Variants in AFAP1 observed in about 807,000 individuals in gnomAD.
The protein encoded by AFAP1 is actin filament-associated protein 1.
AFAP1 carries 75 observed loss-of-function variants against 93.9 expected under a neutral mutation model. The observed-to-expected ratio is 0.80, with a 90% CI of 0.66 to 0.97. The LOEUF (loss-of-function observed/expected upper bound fraction) is 0.97, where lower values mean the gene tolerates loss of function less well. AFAP1 is among the 50% of genes least tolerant of loss of function. The pLI, the probability that AFAP1 is intolerant of heterozygous loss-of-function variation, is 0.00. For missense variants in AFAP1, 1,201 were observed against 1,050.8 expected (o/e 1.14, Z -1.98); for synonymous variants, 517 against 430.7 (o/e 1.20, Z -2.48).
At chr4:7,917,304 G>T (rs576403187) in intron 1 of AFAP1, among the ~76,000 whole-genome samples, 5 of 152,228 alleles carry the variant, frequency 3.3e-5, no homozygotes, top group African/African-American at 1.2e-4. Context: ...GCTGAGTGGG[G>T]GTAGGGGGAC....
chr4:7,826,317 G>A (rs139793474), intron 6 of AFAP1, among the ~76,000 whole-genome samples: 1,873 of 143,834 alleles, frequency 0.013, 21 homozygotes, highest in Middle Eastern at 0.018. Context: ...ACCCCACCCC[G>A]CCGCCCCCAG....
At chr4:7,890,301 ATGC>A (rs1188729282) in intron 1 of AFAP1, among the ~76,000 whole-genome samples, 1 of 152,230 alleles carries the variant, frequency 6.6e-6, no homozygotes, top group African/African-American at 2.4e-5. Flanking sequence ...CTTGGAACAA[ATGC>A]TGCTGAACAA....
At chr4:7,778,969 C>A in intron 13 of AFAP1, 93 bp from the exon 14 acceptor site, 1 of 986,156 alleles carries the variant, frequency 1.0e-6, no homozygotes, top group Non-Finnish European at 1.5e-6. Flanking sequence ...CTTTCAGTCT[C>A]TAAGTATTGT....
At chr4:7,816,165 T>A in intron 7 of AFAP1, 66 bp from the exon 8 acceptor site, 4 of 1,356,024 alleles carry the variant, frequency 2.9e-6, no homozygotes, top group Non-Finnish European at 4.1e-6. Context: ...GTGTGATGGA[T>A]CAACCAAAAG....
intron 6 of AFAP1, among the ~76,000 whole-genome samples, chr4:7,822,586 C>CT (rs5855982): frequency 0.15 from 19,702 of 132,304 alleles, 2,387 homozygotes; most frequent in African/African-American, 0.31. Flanking sequence ...TTTCTTTTTT[C>CT]TTTTTTTTTT....
chr4:7,876,692 C>T (rs1358578326), intron 1 of AFAP1, among the ~76,000 whole-genome samples: 1 of 152,186 alleles, frequency 6.6e-6, no homozygotes, highest in African/African-American at 2.4e-5. Flanking sequence ...AACTGGGCTG[C>T]ACTTGAATTC....
At chr4:7,845,594 G>C (rs890390709) in intron 4 of AFAP1, among the ~76,000 whole-genome samples, 1 of 151,930 alleles carries the variant, frequency 6.6e-6, no homozygotes, top group Non-Finnish European at 1.5e-5. Context: ...GGTGAGAGGC[G>C]AACAGAACAC....
intron 3 of AFAP1, among the ~76,000 whole-genome samples, chr4:7,855,856 A>G (rs1449122584): frequency 1.3e-5 from 2 of 152,204 alleles, no homozygotes; most frequent in Non-Finnish European, 2.9e-5. Flanking sequence ...TCCACGACAC[A>G]GAATGCCCCT....
rs2269850 is a variant in AFAP1, at chr4:7,762,034, A to G, written c.*1731T>C. 0.7 allele frequency: 105,918 copies of G among 152,238 alleles called. 37,490 individuals carry two copies. The highest frequency in any genetic ancestry group is 0.77 in the Non-Finnish European group (52,531 of 68,058). The allele number at this position is 152,238 out of a possible 1,614,324, so 9.4% of individuals were successfully genotyped here. Reference sequence around the variant, plus strand: ...GGCTCAGGAACCCAAAACCGTTCCCAGCAGATGGCTTTGCAATCAATTCAA... The same window carrying G: ...GGCTCAGGAACCCAAAACCGTTCCCGGCAGATGGCTTTGCAATCAATTCAA... On this transcript the variant is annotated 3_prime_UTR_variant, in exon 18 of 18. Coordinates refer to ENST00000420658, the MANE Select transcript of AFAP1 (RefSeq NM_001134647.2).
intron 5 of AFAP1, among the ~76,000 whole-genome samples, chr4:7,840,475 G>T (rs548959398): frequency 6.6e-6 from 1 of 152,046 alleles, no homozygotes; most frequent in Admixed American, 6.5e-5. Context: ...CACCACACTC[G>T]GCTAATTTTT....
chr4:7,895,709 G>T (rs558165089), intron 1 of AFAP1, among the ~76,000 whole-genome samples: 19 of 152,304 alleles, frequency 1.2e-4, no homozygotes, highest in African/African-American at 4.6e-4. Flanking sequence ...GACAGAGCGA[G>T]CTCTGCTCAG....
chr4:7,765,592 G>A (rs937641275), intron 17 of AFAP1, among the ~76,000 whole-genome samples: 7 of 152,210 alleles, frequency 4.6e-5, no homozygotes, highest in African/African-American at 1.4e-4. Context: ...CTGGAGCTAC[G>A]TGGATTTGAA....
intron 1 of AFAP1, among the ~76,000 whole-genome samples, chr4:7,926,043 C>T (rs1490628190): frequency 6.6e-6 from 1 of 152,182 alleles, no homozygotes; most frequent in African/African-American, 2.4e-5. Context: ...CCACTTTACC[C>T]CGAGGGAGAA....
At position 7,767,124 on chromosome 4, in the gene AFAP1, T is replaced by G. The variant is rs550224940; in HGVS notation, c.2418+1720A>C. ...AGAAATCCTGGGGAACCCTGCTCAG[T>G]CCGTCCCCTTCTGATTTCTGCACAA... On this transcript the variant is annotated intron_variant, in intron 17 of 17. Coordinates refer to ENST00000420658, the MANE Select transcript of AFAP1 (RefSeq NM_001134647.2). 2.0e-4 allele frequency among the ~76,000 whole-genome samples: 30 copies of G among 152,280 alleles called. No homozygotes were observed. The South Asian group carries it at 2.9e-3, about 15-fold the overall frequency.
At chr4:7,862,673 G>A (rs1009083692) in intron 3 of AFAP1, among the ~76,000 whole-genome samples, 2 of 152,154 alleles carry the variant, frequency 1.3e-5, no homozygotes, top group African/African-American at 4.8e-5. Flanking sequence ...ATTTACATAA[G>A]TTCTGGCCCT....
chr4:7,914,781 T>C (rs2149229590), intron 1 of AFAP1, among the ~76,000 whole-genome samples: 1 of 152,260 alleles, frequency 6.6e-6, no homozygotes, highest in Non-Finnish European at 1.5e-5. Flanking sequence ...AGTCTCACTG[T>C]TGCCCAGGCT....
chr4:7,782,110 A>G (rs1716832447), intron 12 of AFAP1, among the ~76,000 whole-genome samples: 1 of 152,176 alleles, frequency 6.6e-6, no homozygotes, highest in South Asian at 2.1e-4. Flanking sequence ...CTAGCAGAGC[A>G]CCCGATGCTT....
chr4:7,769,006 A>G lies in AFAP1; in HGVS notation c.2256T>C (p.Ser752=). 6.2e-7 allele frequency: 1 copy of G among 1,607,812 alleles called. No homozygotes were observed. Among genetic ancestry groups the G allele is most frequent in the South Asian group, 1.1e-5 (1 of 90,528 alleles). The part of the protein sequence containing the change: ...EPKSGTSSPQ[S]PVFRHRTLEN... ...CCAGGGTCCGGTGCCGGAACACTGGAGACTTAACGGAGAGAGAGAACCCCA... is the reference window on the plus strand; with the variant it reads ...CCAGGGTCCGGTGCCGGAACACTGGGGACTTAACGGAGAGAGAGAACCCCA... Residue 752 remains serine (S), a splice_region_variant and synonymous_variant, in exon 17 of 18, where the codon TCT becomes TCC. Transcript: ENST00000420658.
chr4:7,885,035 A>C (rs891234557), intron 1 of AFAP1, among the ~76,000 whole-genome samples: 3 of 152,190 alleles, frequency 2.0e-5, no homozygotes, highest in African/African-American at 4.8e-5. Flanking sequence ...AGGACGCTGG[A>C]GAACTGTTTC....
Sources: allele counts gnomAD v4.1 joint callset (sites outside exome capture counted in the v4.1 genomes callset), GRCh38; gene constraint gnomAD v4.1.1; transcripts MANE v1.5; gene names NCBI Gene and HGNC (gene_info 2026-07-23, HGNC 2026-07-21).